ZDHHC21: variants seen among roughly 807,000 people sequenced by gnomAD.
The protein encoded by ZDHHC21 is palmitoyltransferase ZDHHC21.
In ZDHHC21, 15 loss-of-function variants were observed where a neutral mutation model predicts 34.6. The observed-to-expected ratio is 0.43, with a 90% CI of 0.29 to 0.67. The LOEUF (loss-of-function observed/expected upper bound fraction) is 0.67, where lower values mean the gene tolerates loss of function less well. Among genes scored for constraint, ZDHHC21 ranks in the 30% least tolerant of loss-of-function variants. The pLI, the probability that ZDHHC21 is intolerant of heterozygous loss-of-function variation, is 0.14. For synonymous variants in ZDHHC21, 142 were observed against 101.8 expected, an observed-to-expected ratio of 1.40 and a Z score of -2.38; for missense variants, 344 against 327.7, an observed-to-expected ratio of 1.05 and a Z score of -0.38.
At chr9:14,661,364 G>C (rs1243950371) in intron 6 of ZDHHC21, among the ~76,000 whole-genome samples, 2 of 152,050 alleles carry the variant, frequency 1.3e-5, no homozygotes, top group Non-Finnish European at 2.9e-5. Context: ...TTAAATAAAA[G>C]CAATTATAAA....
At chr9:14,592,090 G>C in the ZDHHC21 span, among the ~76,000 whole-genome samples, 3 of 151,822 alleles carry the variant, frequency 2.0e-5, no homozygotes, top group Non-Finnish European at 4.4e-5. Context: ...TTTACAATTA[G>C]TTTTTCTGTG....
Position 14,683,950 on chromosome 9 carries a change from C to G in ZDHHC21, c.-175-3788G>C, listed in dbSNP as rs139439336. ...ATATAAACAGAACCAAAGACAAAAA[C>G]CACACGGTTATCTCAATAGATGCAG... On this transcript the variant is annotated intron_variant, in intron 2 of 9. Transcript: ENST00000380916. 9.4e-3 allele frequency among the ~76,000 whole-genome samples: 1,431 copies of G among 152,262 alleles called. 16 individuals are homozygous for G. Among genetic ancestry groups the G allele is most frequent in the African/African-American group, 0.032 (1,311 of 41,522 alleles).
intron 7 of ZDHHC21, among the ~76,000 whole-genome samples, chr9:14,653,820 AT>A (rs1347948430): frequency 6.6e-6 from 1 of 152,060 alleles, no homozygotes; most frequent in Non-Finnish European, 1.5e-5. Flanking sequence ...TGCTATTGCC[AT>A]TGACACCTAT....
At chr9:14,648,797 TA>T (rs564653511) in intron 7 of ZDHHC21, among the ~76,000 whole-genome samples, 117 of 152,160 alleles carry the variant, frequency 7.7e-4, no homozygotes, top group African/African-American at 2.6e-3. Context: ...TTTATTAAAA[TA>T]AAAAAACTGT....
chr9:14,684,891 T>C (rs955619071), intron 2 of ZDHHC21, among the ~76,000 whole-genome samples: 7 of 152,060 alleles, frequency 4.6e-5, no homozygotes, highest in Non-Finnish European at 7.4e-5. Context: ...CCCCCAGAAA[T>C]AATAGCACAC....
At chr9:14,693,128 G>C in intron 1 of ZDHHC21, 101 bp downstream of exon 1, 1 of 213,228 alleles carries the variant, frequency 4.7e-6, no homozygotes, top group Non-Finnish European at 9.6e-6. Flanking sequence ...GGAGCGGCGG[G>C]CGGGCCCGGC....
chr9:14,607,952 C>T (rs149752776), downstream of ZDHHC21, among the ~76,000 whole-genome samples: 7 of 152,292 alleles, frequency 4.6e-5, no homozygotes, highest in African/African-American at 1.7e-4. Context: ...GTATCGTGCA[C>T]TGACTGGATC....
intron 5 of ZDHHC21, 27 bp downstream of exon 5, chr9:14,672,803 A>G: frequency 6.6e-7 from 1 of 1,505,548 alleles, no homozygotes. Flanking sequence ...TGGCATCAGC[A>G]AAACTGATAA....
chr9:14,599,674 C>G, the ZDHHC21 span, among the ~76,000 whole-genome samples: 12 of 152,064 alleles, frequency 7.9e-5, no homozygotes, highest in Non-Finnish European at 1.5e-4. Context: ...ATCACACCCC[C>G]ACAGAGCCCA....
chr9:14,598,670 T>C, the ZDHHC21 span, among the ~76,000 whole-genome samples: 1 of 152,232 alleles, frequency 6.6e-6, no homozygotes, highest in East Asian at 1.9e-4. Context: ...CTCAGTGAAA[T>C]ATAAGAGAAC....
chr9:14,668,331 AC>A (rs1475111449), intron 5 of ZDHHC21, among the ~76,000 whole-genome samples: 12 of 108,054 alleles, frequency 1.1e-4, no homozygotes, highest in African/African-American at 3.7e-4. Flanking sequence ...ACTACAAACC[AC>A]TGCTCAAGGA....
chr9:14,686,984 A>C lies in ZDHHC21; in HGVS notation c.-176+3353T>G, dbSNP rs371854194. Reference sequence around the variant, plus strand: ...CGAGACTTCATCTCAAAAAAACAAAAAAAAAAACAATGTTAAAGAGCTGCT... The same window carrying C: ...CGAGACTTCATCTCAAAAAAACAAACAAAAAAACAATGTTAAAGAGCTGCT... On this transcript the variant is annotated intron_variant, in intron 2 of 9. Coordinates refer to ENST00000380916, the MANE Select transcript of ZDHHC21 (RefSeq NM_178566.6). Among the ~76,000 whole-genome samples, 667 of 150,204 alleles carry C rather than the reference A, an allele frequency of 4.4e-3. 59 individuals carry two copies. Among genetic ancestry groups the C allele is most frequent in the African/African-American group, 0.016 (621 of 39,818 alleles).
At chr9:14,597,170 G>C in the ZDHHC21 span, among the ~76,000 whole-genome samples, 1 of 152,202 alleles carries the variant, frequency 6.6e-6, no homozygotes. Context: ...CACACCCCGA[G>C]ACCCAAGCAA....
chr9:14,680,866 T>C (rs1466113351), intron 2 of ZDHHC21, among the ~76,000 whole-genome samples: 1 of 152,154 alleles, frequency 6.6e-6, no homozygotes, highest in Admixed American at 6.5e-5. Flanking sequence ...ATGGTAAGGA[T>C]ACTGGTTCAT....
intron 7 of ZDHHC21, among the ~76,000 whole-genome samples, chr9:14,647,717 CG>C (rs1554767595): frequency 1.3e-5 from 2 of 152,020 alleles, no homozygotes; most frequent in Non-Finnish European, 2.9e-5. Flanking sequence ...CCATTCTACT[CG>C]TGTTTCACTG....
At chr9:14,677,061 T>C (rs1836530090) in intron 3 of ZDHHC21, among the ~76,000 whole-genome samples, 1 of 152,020 alleles carries the variant, frequency 6.6e-6, no homozygotes, top group Non-Finnish European at 1.5e-5. Flanking sequence ...TTTTGAACTC[T>C]ATTTTTATTC....
intron 7 of ZDHHC21, among the ~76,000 whole-genome samples, chr9:14,641,734 G>T (rs1829414252): frequency 6.6e-6 from 1 of 152,076 alleles, no homozygotes; most frequent in Non-Finnish European, 1.5e-5. Flanking sequence ...CCCTCCTGAT[G>T]CTCACTTCCA....
Position 14,674,367 on chromosome 9 carries a change from C to T in ZDHHC21, c.-27G>A. 1 of 1,572,036 alleles carries T rather than the reference C, an allele frequency of 6.4e-7. No homozygotes were observed. The highest frequency in any genetic ancestry group is 8.6e-7 in the Non-Finnish European group (1 of 1,163,784). ...TTGCAATCTTATAACTGCCTGCTAA[C>T]CCACAAGGAAGGATGATCCTAAGGA... On this transcript the variant is annotated 5_prime_UTR_variant, in exon 4 of 10. Coordinates refer to ENST00000380916, the MANE Select transcript of ZDHHC21 (RefSeq NM_178566.6).
At position 14,665,978 on chromosome 9, in the gene ZDHHC21, G is replaced by A. The variant is rs997742011; in HGVS notation, c.254-3652C>T. Among the ~76,000 whole-genome samples the A allele has an allele frequency of 7.7e-3, 1,145 of 148,922 alleles. 3 individuals carry two copies. The highest frequency in any genetic ancestry group is 0.013 in the Non-Finnish European group (870 of 66,496). On this transcript the variant is annotated intron_variant, in intron 5 of 9. Transcript: ENST00000380916. Reference sequence around the variant, plus strand: ...TCACCAGCTATCATCATAATGACAGGATCAAATTCACACATAACAATATTA... The same window carrying A: ...TCACCAGCTATCATCATAATGACAGAATCAAATTCACACATAACAATATTA...
Sources: allele counts gnomAD v4.1 joint callset (sites outside exome capture counted in the v4.1 genomes callset), GRCh38; gene constraint gnomAD v4.1.1; transcripts MANE v1.5; gene names NCBI Gene and HGNC (gene_info 2026-07-23, HGNC 2026-07-21).